RIPOR3: variants seen among roughly 807,000 people sequenced by gnomAD.
The protein encoded by RIPOR3 is RIPOR family member 3, also known as family with sequence similarity 65 member C.
A neutral mutation model predicts 114.3 loss-of-function variants in RIPOR3; 95 were observed. That is an observed-to-expected ratio of 0.83 (90% CI 0.70 to 0.99). RIPOR3 has a LOEUF of 0.99. Among genes scored for constraint, RIPOR3 ranks in the 50% least tolerant of loss-of-function variants. The pLI is 0.00. For synonymous variants in RIPOR3, 575 were observed against 543.8 expected, an observed-to-expected ratio of 1.06 and a Z score of -0.80; for missense variants, 1,252 against 1,266.9, an observed-to-expected ratio of 0.99 and a Z score of 0.18.
chr20:50,604,343 C>G (rs1479917895), intron 12 of RIPOR3, among the ~76,000 whole-genome samples: 1 of 152,194 alleles, frequency 6.6e-6, no homozygotes, highest in Non-Finnish European at 1.5e-5. Flanking sequence ...ACTGGGCACT[C>G]TGTCAAGTAC....
intron 1 of RIPOR3, among the ~76,000 whole-genome samples, chr20:50,639,345 C>G (rs150711795): frequency 2.3e-3 from 349 of 152,254 alleles, no homozygotes; most frequent in Middle Eastern, 6.8e-3. Flanking sequence ...TCATTGAATT[C>G]CTGGTACCCA....
rs2083638449 is a variant in RIPOR3, at chr20:50,604,689, A to AGTTGTACAAG, written c.1032_1041dup (p.Trp348LeufsTer45). ...AAGCTGGGGGTGCTCGGGGGTGTCCAGTTGTACAAGGAGCCCTTCCTGCTG... is the reference window on the plus strand; with the variant it reads ...AAGCTGGGGGTGCTCGGGGGTGTCCAGTTGTACAAGGTTGTACAAGGAGCCCTTCCTGCTG... On this transcript the variant is annotated frameshift_variant, in exon 12 of 22. Transcript: ENST00000327979. LOFTEE classifies it high-confidence loss of function. The AGTTGTACAAG allele has an allele frequency of 1.2e-6, 2 of 1,609,168 alleles. No homozygotes were observed. The highest frequency in any genetic ancestry group is 2.7e-5 in the African/African-American group (2 of 74,402).
intron 1 of RIPOR3, among the ~76,000 whole-genome samples, chr20:50,653,650 G>A (rs1244745877): frequency 6.6e-6 from 1 of 151,518 alleles, no homozygotes; most frequent in Non-Finnish European, 1.5e-5. Context: ...GAGTGCAGTG[G>A]TGCCATCTTG....
chr20:50,612,305 G>A (rs1203755304), intron 4 of RIPOR3, among the ~76,000 whole-genome samples: 1 of 152,050 alleles, frequency 6.6e-6, no homozygotes, highest in African/African-American at 2.4e-5. Context: ...AAGCAACTCT[G>A]CCATCATAGT....
intron 12 of RIPOR3, 47 bp downstream of exon 12, chr20:50,604,598 C>T (rs374873709): frequency 1.9e-6 from 3 of 1,560,450 alleles, no homozygotes; most frequent in East Asian, 2.4e-5. Flanking sequence ...GTGCTGCCCC[C>T]ATCCCAGGGT....
intron 1 of RIPOR3, among the ~76,000 whole-genome samples, chr20:50,681,050 C>T (rs1008045397): frequency 6.6e-6 from 1 of 151,762 alleles, no homozygotes; most frequent in African/African-American, 2.4e-5. Context: ...CAAAGTGAGA[C>T]CCCAGTCTCT....
chr20:50,652,696 C>A (rs950100082), intron 1 of RIPOR3, among the ~76,000 whole-genome samples: 1 of 151,894 alleles, frequency 6.6e-6, no homozygotes, highest in African/African-American at 2.4e-5. Flanking sequence ...ACAGCCTTGA[C>A]CGAAGTCCTG....
intron 1 of RIPOR3, among the ~76,000 whole-genome samples, chr20:50,639,107 T>C (rs545726879): frequency 2.0e-5 from 3 of 152,110 alleles, no homozygotes; most frequent in African/African-American, 7.2e-5. Flanking sequence ...CCAGGTGTCG[T>C]GGTGCATGCC....
intron 1 of RIPOR3, among the ~76,000 whole-genome samples, chr20:50,668,596 C>T (rs1367725102): frequency 1.3e-5 from 2 of 152,182 alleles, no homozygotes; most frequent in Non-Finnish European, 2.9e-5. Flanking sequence ...GTGGCTCACA[C>T]CTGTAATCCC....
chr20:50,648,146 G>C (rs2085480771), intron 1 of RIPOR3, among the ~76,000 whole-genome samples: 1 of 151,680 alleles, frequency 6.6e-6, no homozygotes, highest in African/African-American at 2.4e-5. Context: ...TGTGTTGGTG[G>C]GCACCTGTAA....
At chr20:50,593,802 T>A (rs1244802823) in intron 17 of RIPOR3, among the ~76,000 whole-genome samples, 1 of 152,108 alleles carries the variant, frequency 6.6e-6, no homozygotes. Context: ...AGGTGGTGCT[T>A]GGAACATGAC....
chr20:50,610,810 GC>G, intron 6 of RIPOR3, 42 bp downstream of exon 6: 1 of 1,613,396 alleles, frequency 6.2e-7, no homozygotes. Flanking sequence ...CAGCAAGCTG[GC>G]ACTGCCCCAC....
intron 1 of RIPOR3, among the ~76,000 whole-genome samples, chr20:50,679,601 C>CA (rs35946931): frequency 0.071 from 8,538 of 120,588 alleles, 402 homozygotes; most frequent in South Asian, 0.14. Context: ...ACTAAAAATA[C>CA]AAAAAAAAAA....
chr20:50,619,055 A>G (rs1156397187), intron 3 of RIPOR3, among the ~76,000 whole-genome samples: 1 of 152,190 alleles, frequency 6.6e-6, no homozygotes, highest in Non-Finnish European at 1.5e-5. Flanking sequence ...TACTAAAAAT[A>G]CAAAAAATTA....
At chr20:50,678,285 C>T (rs778611619) in intron 1 of RIPOR3, among the ~76,000 whole-genome samples, 1 of 152,206 alleles carries the variant, frequency 6.6e-6, no homozygotes, top group Non-Finnish European at 1.5e-5. Flanking sequence ...TCACCAGGAA[C>T]CTGGGGGCTG....
chr20:50,683,404 T>TTCAGTATG (rs1332596822), intron 1 of RIPOR3, among the ~76,000 whole-genome samples: 1 of 152,114 alleles, frequency 6.6e-6, no homozygotes, highest in African/African-American at 2.4e-5. Flanking sequence ...CAGGTGCCCT[T>TTCAGTATG]TCAGTATGTC....
At position 50,608,661 on chromosome 20, in the gene RIPOR3, T is replaced by C. The variant is rs753416022; in HGVS notation, c.762A>G (p.Glu254=). 6 of 1,614,014 alleles carry C rather than the reference T, an allele frequency of 3.7e-6. No individual in the cohort carries two copies. In the South Asian group the frequency reaches 6.6e-5, roughly 18 times the overall value. Residue 254 remains glutamate, a synonymous_variant, in exon 10 of 22, where the codon GAA becomes GAG. Coordinates refer to ENST00000327979, the MANE Select transcript of RIPOR3 (RefSeq NM_001290268.2). ...IESDDSQTWD[E]EEKAFIPTLH... is the part of the protein sequence containing the mutation. ...GCGTGGGGATGAAGGCCTTCTCCTC[T>C]TCGTCCCAGGTCTGGCTGTCATCTG... is the stretch of plus-strand genomic sequence containing the variant.
chr20:50,690,032 G>C (rs371783980), intron 1 of RIPOR3, among the ~76,000 whole-genome samples: 66 of 152,306 alleles, frequency 4.3e-4, no homozygotes, highest in African/African-American at 1.3e-3. Flanking sequence ...GACACGAGCT[G>C]ACTTTATCTG....
At chr20:50,620,224 C>G in intron 2 of RIPOR3, 92 bp from the exon 3 acceptor site, 5 of 1,505,620 alleles carry the variant, frequency 3.3e-6, no homozygotes, top group Admixed American at 3.7e-5. Context: ...GTGACCAGAG[C>G]CACAGGGAGT....
Sources: gnomAD v4.1 joint callset for allele counts (sites outside exome capture counted in the v4.1 genomes callset) on GRCh38, gnomAD v4.1.1 for gene constraint, MANE v1.5 for transcripts, NCBI Gene and HGNC (gene_info 2026-07-23, HGNC 2026-07-21) for gene names.